Variants in SUGCT observed in about 807,000 individuals in gnomAD.
SUGCT encodes succinyl-CoA:glutarate CoA-transferase.
SUGCT carries 41 observed loss-of-function variants against 55.0 expected under a neutral mutation model. That is an observed-to-expected ratio of 0.74 (90% CI 0.58 to 0.97). SUGCT has a LOEUF of 0.97. Ranked by LOEUF, SUGCT falls within the 50% of genes least tolerant of loss-of-function variation. The probability of loss-of-function intolerance (pLI) is 0.00; values close to 1 mark genes in which losing one functional copy is unlikely to be tolerated. For synonymous variants in SUGCT, 187 were observed against 200.4 expected, an observed-to-expected ratio of 0.93 and a Z score of 0.56; for missense variants, 568 against 547.8, an observed-to-expected ratio of 1.04 and a Z score of -0.37.
At chr7:40,758,947 G>T (rs148229590) in intron 13 of SUGCT, among the ~76,000 whole-genome samples, 1 of 152,070 alleles carries the variant, frequency 6.6e-6, no homozygotes, top group African/African-American at 2.4e-5. Flanking sequence ...TCAAGAAGCC[G>T]TAAGCATTTC....
intron 7 of SUGCT, among the ~76,000 whole-genome samples, chr7:40,267,603 C>T (rs1429432330): frequency 1.3e-5 from 2 of 152,198 alleles, no homozygotes; most frequent in Non-Finnish European, 2.9e-5. Context: ...AGAAGGGAGA[C>T]ATTGTTTAGT....
chr7:40,299,918 G>T (rs1794431317), intron 8 of SUGCT, among the ~76,000 whole-genome samples: 1 of 152,082 alleles, frequency 6.6e-6, no homozygotes, highest in Admixed American at 6.6e-5. Context: ...TAGCAGTTCA[G>T]AAATTATTCT....
At chr7:40,909,820 C>A in the SUGCT span, among the ~76,000 whole-genome samples, 1 of 152,130 alleles carries the variant, frequency 6.6e-6, no homozygotes, top group East Asian at 1.9e-4. Flanking sequence ...AGAGTGAATT[C>A]ATCTGTACGA....
the SUGCT span, among the ~76,000 whole-genome samples, chr7:40,877,982 C>T: frequency 6.6e-6 from 1 of 152,330 alleles, no homozygotes; most frequent in African/African-American, 2.4e-5. Context: ...ATACTTCCCA[C>T]TTCTAGGTGC....
At chr7:40,178,476 C>T (rs1409465422) in intron 1 of SUGCT, among the ~76,000 whole-genome samples, 1 of 151,998 alleles carries the variant, frequency 6.6e-6, no homozygotes, top group Non-Finnish European at 1.5e-5. Flanking sequence ...TTTTTCTACC[C>T]TCACACTTGA....
At chr7:40,885,910 A>G in the SUGCT span, among the ~76,000 whole-genome samples, 1 of 152,202 alleles carries the variant, frequency 6.6e-6, no homozygotes, top group African/African-American at 2.4e-5. Flanking sequence ...CAATTTCTCA[A>G]CTTTTTCTCA....
At chr7:40,755,717 A>T (rs942557238) in intron 13 of SUGCT, among the ~76,000 whole-genome samples, 16 of 152,162 alleles carry the variant, frequency 1.1e-4, no homozygotes, top group African/African-American at 3.9e-4. Flanking sequence ...TTTTTCAGAT[A>T]CTTCCTGTGA....
At chr7:40,239,677 C>T (rs116548330) in intron 7 of SUGCT, among the ~76,000 whole-genome samples, 1 of 152,168 alleles carries the variant, frequency 6.6e-6, no homozygotes, top group South Asian at 2.1e-4. Context: ...ACAGTATATG[C>T]TCAACCTTAT....
At chr7:40,762,047 G>A (rs1788559303) in intron 13 of SUGCT, among the ~76,000 whole-genome samples, 1 of 152,152 alleles carries the variant, frequency 6.6e-6, no homozygotes, top group African/African-American at 2.4e-5. Flanking sequence ...ACTCCTAGTG[G>A]GCTCAGCCCC....
intron 12 of SUGCT, among the ~76,000 whole-genome samples, chr7:40,680,722 C>T (rs1335756088): frequency 1.3e-5 from 2 of 152,134 alleles, no homozygotes; most frequent in South Asian, 4.1e-4. Context: ...CCCTATTCTG[C>T]ATTTTCTATG....
intron 13 of SUGCT, among the ~76,000 whole-genome samples, chr7:40,851,590 T>C (rs1793854896): frequency 6.6e-6 from 1 of 152,154 alleles, no homozygotes; most frequent in Non-Finnish European, 1.5e-5. Flanking sequence ...GCCTTTGTCA[T>C]TATCCTACAC....
At chr7:40,690,486 A>G (rs1202493390) in intron 12 of SUGCT, among the ~76,000 whole-genome samples, 1 of 152,114 alleles carries the variant, frequency 6.6e-6, no homozygotes, top group African/African-American at 2.4e-5. Flanking sequence ...TAATATGTTA[A>G]TTATTTAAAA....
intron 6 of SUGCT, among the ~76,000 whole-genome samples, chr7:40,200,833 C>A (rs1334262904): frequency 6.6e-6 from 1 of 152,046 alleles, no homozygotes; most frequent in Non-Finnish European, 1.5e-5. Context: ...CACAGAGTAG[C>A]TATAAAGATA....
intron 11 of SUGCT, among the ~76,000 whole-genome samples, chr7:40,471,099 T>A (rs1045291679): frequency 6.6e-6 from 1 of 152,066 alleles, no homozygotes; most frequent in Non-Finnish European, 1.5e-5. Context: ...AAAATAGGAG[T>A]AATTGTTGGT....
At chr7:40,930,485 G>A in the SUGCT span, among the ~76,000 whole-genome samples, 7 of 152,220 alleles carry the variant, frequency 4.6e-5, no homozygotes, top group Middle Eastern at 3.4e-3. Context: ...GATGGGGATG[G>A]CATTGAATCT....
At chr7:40,370,233 G>A (rs1054144727) in intron 9 of SUGCT, among the ~76,000 whole-genome samples, 1 of 152,058 alleles carries the variant, frequency 6.6e-6, no homozygotes, top group African/African-American at 2.4e-5. Context: ...AGTAAAGAAC[G>A]CCTAGAAAAG....
At chr7:40,248,831 A>T (rs1790087866) in intron 7 of SUGCT, among the ~76,000 whole-genome samples, 1 of 152,100 alleles carries the variant, frequency 6.6e-6, no homozygotes, top group Non-Finnish European at 1.5e-5. Flanking sequence ...TAAGTTAGAA[A>T]TATCTATGCA....
At chr7:40,631,931 C>G (rs544179521) in intron 12 of SUGCT, among the ~76,000 whole-genome samples, 27 of 152,244 alleles carry the variant, frequency 1.8e-4, no homozygotes, top group African/African-American at 6.5e-4. Context: ...CAGGGTCATC[C>G]CCAACTTGAT....
At chr7:40,739,919 A>T (rs1787374371) in intron 12 of SUGCT, among the ~76,000 whole-genome samples, 1 of 152,128 alleles carries the variant, frequency 6.6e-6, no homozygotes, top group Non-Finnish European at 1.5e-5. Context: ...ATAAATTTTA[A>T]AATGAACTTT....
Sources: gnomAD v4.1 joint callset for allele counts (sites outside exome capture counted in the v4.1 genomes callset) on GRCh38, gnomAD v4.1.1 for gene constraint, MANE v1.5 for transcripts, NCBI Gene and HGNC (gene_info 2026-07-23, HGNC 2026-07-21) for gene names.